RAB35: variants seen among roughly 807,000 people sequenced by gnomAD.
RAB35 encodes ras-related protein Rab-35.
Under a neutral mutation model 28.9 loss-of-function variants are expected in RAB35, and 4 were observed. That is an observed-to-expected ratio of 0.14 (90% confidence interval 0.07 to 0.32). RAB35 has a LOEUF of 0.32. Ranked by LOEUF, RAB35 falls within the 10% of genes least tolerant of loss-of-function variation. The probability of loss-of-function intolerance (pLI) is 1.00; values close to 1 mark genes in which losing one functional copy is unlikely to be tolerated. For synonymous variants in RAB35, 99 were observed against 105.1 expected (o/e 0.94, Z 0.35); for missense variants, 128 against 274.0 (o/e 0.47, Z 3.76).
At chr12:120,112,444 T>C (rs1425397027) in intron 1 of RAB35, among the ~76,000 whole-genome samples, 1 of 152,024 alleles carries the variant, frequency 6.6e-6, no homozygotes, top group Non-Finnish European at 1.5e-5. Context: ...TTTTTTTTTT[T>C]TTTTGAAACA....
chr12:120,113,674 C>T lies in RAB35; in HGVS notation c.52+2925G>A, dbSNP rs543199494. On this transcript the variant is annotated intron_variant, in intron 1 of 5. Transcript: ENST00000229340. ...TCTACTAAAAATACAAAAGATTAGC[C>T]GGGCATGGTGGTGGGCACCTGTAGT... Among the ~76,000 whole-genome samples the T allele has an allele frequency of 1.8e-3, 268 of 152,082 alleles. 2 individuals carry two copies. Among genetic ancestry groups the T allele is most frequent in the African/African-American group, 5.5e-3 (227 of 41,490 alleles).
In RAB35 at chr12:120,103,313, G is replaced by A. The variant is rs972966146; in HGVS notation, c.227+513C>T. On this transcript the variant is annotated intron_variant, in intron 3 of 5. Coordinates refer to ENST00000229340, the MANE Select transcript of RAB35 (RefSeq NM_006861.7). The surrounding 1 kb of genome is among the most constrained non-coding windows in gnomAD (Gnocchi z 6.1). ...TGGGCGGCCGGATTTCCCAGGAACA[G>A]CTTTAAGGGTAGGGAAGGGCCTGCT... 1.3e-5 allele frequency among the ~76,000 whole-genome samples: 2 copies of A among 152,214 alleles called. No individual in the cohort carries two copies. Among genetic ancestry groups the A allele is most frequent in the African/African-American group, 4.8e-5 (2 of 41,454 alleles).
At position 120,097,295 on chromosome 12, in the gene RAB35, C is replaced by A; in HGVS notation, c.556G>T (p.Asp186Tyr). 1 of 1,613,960 alleles carries A rather than the reference C, an allele frequency of 6.2e-7. No homozygotes were observed. Among genetic ancestry groups the A allele is most frequent in the Non-Finnish European group, 8.5e-7 (1 of 1,180,046 alleles). Reference sequence around the variant, plus strand: ...CTGTTCTTCGTGAGCTTCACCACATCGTTCTGTTGTTGCTGCTGCTGTTTT... The same window carrying A: ...CTGTTCTTCGTGAGCTTCACCACATAGTTCTGTTGTTGCTGCTGCTGTTTT... ...LAKQQQQQQN[D>Y]VVKLTKNSKR... Residue 186 changes from aspartate to tyrosine, a missense_variant, in exon 6 of 6, where the codon GAT becomes TAT. Coordinates refer to ENST00000229340, the MANE Select transcript of RAB35 (RefSeq NM_006861.7).
intron 1 of RAB35, among the ~76,000 whole-genome samples, chr12:120,109,945 T>C (rs1387320740): frequency 6.6e-6 from 1 of 152,120 alleles, no homozygotes; most frequent in African/African-American, 2.4e-5. Flanking sequence ...CATCGGGCTG[T>C]GTGTGTGGTG....
chr12:120,104,661 G>A (rs777510834), intron 2 of RAB35, among the ~76,000 whole-genome samples: 1 of 152,028 alleles, frequency 6.6e-6, no homozygotes, highest in Non-Finnish European at 1.5e-5. Context: ...TTGGTGGGGG[G>A]GGGACAGCGT....
chr12:120,096,525 C>T lies in RAB35; in HGVS notation c.*720G>A. 4.7e-6 allele frequency: 6 copies of T among 1,289,774 alleles called. No individual in the cohort carries two copies. Among genetic ancestry groups the T allele is most frequent in the Non-Finnish European group, 6.1e-6 (6 of 988,880 alleles). The allele number at this position is 1,289,774 out of a possible 1,614,324, so 79.9% of individuals were successfully genotyped here. ...GGTGTAAATGAGAAGCCATGGCTGC[C>T]CTGGGTTTGGAGCTCAGAGGCATCT... On this transcript the variant is annotated 3_prime_UTR_variant, in exon 6 of 6. Transcript: ENST00000229340.
chr12:120,105,615 G>GC (rs2139054885), intron 2 of RAB35, among the ~76,000 whole-genome samples: 2 of 152,210 alleles, frequency 1.3e-5, no homozygotes, highest in African/African-American at 4.8e-5. Flanking sequence ...ACGCAGGATA[G>GC]CCCCACAACA....
intron 3 of RAB35, among the ~76,000 whole-genome samples, chr12:120,102,500 A>C (rs1041480101): frequency 3.3e-5 from 5 of 152,128 alleles, no homozygotes; most frequent in Non-Finnish European, 1.5e-5. Context: ...CGACCCCGGG[A>C]CTGGGAGCTC....
intron 5 of RAB35, among the ~76,000 whole-genome samples, chr12:120,097,979 G>T (rs1327698095): frequency 6.6e-6 from 1 of 150,904 alleles, no homozygotes; most frequent in African/African-American, 2.4e-5. Context: ...TGCCTCCCTG[G>T]TTCACACCAT....
At chr12:120,116,216 C>T (rs1272972474) in intron 1 of RAB35, among the ~76,000 whole-genome samples, 1 of 152,204 alleles carries the variant, frequency 6.6e-6, no homozygotes, top group African/African-American at 2.4e-5. Flanking sequence ...CAGCAAGGCA[C>T]ATCCCCACTT....
chr12:120,098,913 A>C lies in RAB35; in HGVS notation c.375T>G (p.Pro125=). The change falls in exon 5 of 6, where the codon CCT becomes CCG. Residue 125 remains proline (P), a synonymous_variant. Transcript: ENST00000229340. ...CTTCCGTCTCCACCACCTTCCGCTC[A>C]GGGTCGTCATTCTTATTACCCACTT... ...RILVGNKNDD[P]ERKVVETEDA... is the part of the protein sequence containing the mutation. The C allele has an allele frequency of 7.4e-6, 12 of 1,614,234 alleles. No homozygotes were observed. The highest frequency in any genetic ancestry group is 1.0e-5 in the Non-Finnish European group (12 of 1,180,036).
In RAB35 at chr12:120,097,097, G is replaced by C; in HGVS notation, c.*148C>G. Reference sequence around the variant, plus strand: ...TTGGCACTCGAGGAGGGCGGGGGAGGAAGTGCCGATGGCACCTCCCGATAC... The same window carrying C: ...TTGGCACTCGAGGAGGGCGGGGGAGCAAGTGCCGATGGCACCTCCCGATAC... On this transcript the variant is annotated 3_prime_UTR_variant, in exon 6 of 6. Coordinates refer to ENST00000229340, the MANE Select transcript of RAB35 (RefSeq NM_006861.7). The C allele has an allele frequency of 6.3e-7, 1 of 1,578,872 alleles. No individual in the cohort carries two copies. Among genetic ancestry groups the C allele is most frequent in the Non-Finnish European group, 8.6e-7 (1 of 1,168,192 alleles).
chr12:120,107,124 G>A (rs1875916623), intron 2 of RAB35, among the ~76,000 whole-genome samples: 1 of 151,938 alleles, frequency 6.6e-6, no homozygotes. Context: ...CAGTCGCTAG[G>A]ATTATAGGTA....
chr12:120,113,066 GT>G (rs1876186010), intron 1 of RAB35, among the ~76,000 whole-genome samples: 1 of 150,742 alleles, frequency 6.6e-6, no homozygotes, highest in Non-Finnish European at 1.5e-5. Flanking sequence ...AATTTTTTGT[GT>G]TTTAAGTAGG....
chr12:120,108,107 C>T (rs1057051892), intron 2 of RAB35, among the ~76,000 whole-genome samples: 2 of 152,078 alleles, frequency 1.3e-5, no homozygotes, highest in African/African-American at 4.8e-5. Flanking sequence ...GCATAGGGGG[C>T]AGGAGCAGGG....
At chr12:120,108,510 C>G in intron 1 of RAB35, 43 bp from the exon 2 acceptor site, 1 of 1,576,260 alleles carries the variant, frequency 6.3e-7, no homozygotes, top group Non-Finnish European at 8.7e-7. Context: ...CAGGTGGGTC[C>G]CCTCCCCGCA....
intron 1 of RAB35, among the ~76,000 whole-genome samples, chr12:120,114,384 C>T (rs1470389454): frequency 1.3e-5 from 2 of 152,236 alleles, no homozygotes; most frequent in Non-Finnish European, 2.9e-5. Context: ...TGAGCCACCG[C>T]GCCCGGCCTT....
At chr12:120,107,745 T>C (rs1241632600) in intron 2 of RAB35, among the ~76,000 whole-genome samples, 1 of 150,784 alleles carries the variant, frequency 6.6e-6, no homozygotes, top group Non-Finnish European at 1.5e-5. Flanking sequence ...CAGGTGCCTA[T>C]AGTCCCAACT....
intron 5 of RAB35, among the ~76,000 whole-genome samples, chr12:120,098,262 C>T (rs1875515138): frequency 6.6e-6 from 1 of 152,260 alleles, no homozygotes; most frequent in African/African-American, 2.4e-5. Flanking sequence ...CTGCCTGCTC[C>T]ACGCCACTTC....
Sources: gnomAD v4.1 joint callset for allele counts (sites outside exome capture counted in the v4.1 genomes callset) on GRCh38, gnomAD v4.1.1 for gene constraint, Gnocchi (gnomAD v3.1) non-coding constraint, MANE v1.5 for transcripts, NCBI Gene and HGNC (gene_info 2026-07-23, HGNC 2026-07-21) for gene names.